The following MECOM variants were observed in gnomAD, a reference collection of about 807,000 sequenced individuals.
The protein encoded by MECOM is MDS1 and EVI1 complex locus.
Under a neutral mutation model 116.3 loss-of-function variants are expected in MECOM, and 13 were observed. The observed-to-expected ratio is 0.11, with a 90% CI of 0.07 to 0.18. The LOEUF (loss-of-function observed/expected upper bound fraction) is 0.18. MECOM is among the 10% of genes least tolerant of loss of function. The pLI is 1.00. For missense variants in MECOM, 1,299 were observed against 1,509.0 expected (o/e 0.86, Z 2.31); for synonymous variants, 528 against 535.2 (o/e 0.99, Z 0.19).
chr3:169,649,399 A>G (rs1315281835), intron 1 of MECOM, among the ~76,000 whole-genome samples: 1 of 90,414 alleles, frequency 1.1e-5, no homozygotes, highest in Non-Finnish European at 2.2e-5. Context: ...GCAAGAGCGA[A>G]ACTCCATCTC....
At chr3:169,237,448 ACC>A (rs1411890170) in intron 2 of MECOM, among the ~76,000 whole-genome samples, 1 of 152,036 alleles carries the variant, frequency 6.6e-6, no homozygotes, top group Non-Finnish European at 1.5e-5. Context: ...CTAACTGACC[ACC>A]CTTAGTCACT....
rs201963034 is a variant in MECOM at position 169,263,989 on chromosome 3, GA to G, written c.375+117197del. Among the ~76,000 whole-genome samples, 1,193 of 151,508 alleles carry G rather than the reference GA, an allele frequency of 7.9e-3. 11 individuals are homozygous for G. Among genetic ancestry groups the G allele is most frequent in the Admixed American group, 0.022 (337 of 15,232 alleles). Reference sequence around the variant, plus strand: ...GTAGTGAAAGTAAATGTAGAAATAAGAAAAACAATGATGCTAATTAGTAGAT... The same window carrying G: ...GTAGTGAAAGTAAATGTAGAAATAAGAAAACAATGATGCTAATTAGTAGAT... On this transcript the variant is annotated intron_variant, in intron 2 of 16. Transcript: ENST00000651503.
At position 169,085,112 on chromosome 3, in the gene MECOM, T is replaced by C. The variant is rs1717232006; in HGVS notation, c.3586-69A>G. ...ACATCACTTTTAGTTCAAAGAATAT[T>C]GTTGGTAAATGGAAAGGGATGGGAC... On this transcript the variant is annotated intron_variant, in intron 16 of 16. Coordinates refer to ENST00000651503, the MANE Select transcript of MECOM (RefSeq NM_004991.4). 4 of 1,586,830 alleles carry C rather than the reference T, an allele frequency of 2.5e-6. 1 individual carries two copies.
chr3:169,264,416 G>A (rs924394688), intron 2 of MECOM, among the ~76,000 whole-genome samples: 3 of 151,990 alleles, frequency 2.0e-5, no homozygotes, highest in African/African-American at 4.8e-5. Context: ...TATTGTATCG[G>A]TATTTTAGTT....
intron 1 of MECOM, among the ~76,000 whole-genome samples, chr3:169,419,444 C>T (rs1739324272): frequency 6.6e-6 from 1 of 152,114 alleles, no homozygotes; most frequent in South Asian, 2.1e-4. Flanking sequence ...CAAGACCATC[C>T]TAAGCAAAAA....
chr3:169,522,699 G>A (rs1270903826), intron 1 of MECOM, among the ~76,000 whole-genome samples: 1 of 152,228 alleles, frequency 6.6e-6, no homozygotes, highest in Non-Finnish European at 1.5e-5. Flanking sequence ...TAAGGTAACA[G>A]TATAAGGAAT....
At chr3:169,187,707 A>G (rs1746965299) in intron 2 of MECOM, among the ~76,000 whole-genome samples, 1 of 152,146 alleles carries the variant, frequency 6.6e-6, no homozygotes, top group South Asian at 2.1e-4. Flanking sequence ...TATTTTTCCA[A>G]GAAAATGAAA....
chr3:169,131,930 G>A (rs1055246675), intron 3 of MECOM: 2 of 1,005,744 alleles, frequency 2.0e-6, no homozygotes, highest in Admixed American at 5.3e-5. Context: ...CAGTAGCCTA[G>A]CTTACCTTGT....
chr3:169,114,115 A>G (rs921860785), intron 8 of MECOM, among the ~76,000 whole-genome samples: 3 of 152,194 alleles, frequency 2.0e-5, no homozygotes, highest in Non-Finnish European at 4.4e-5. Flanking sequence ...CAAAGGACTG[A>G]GACACATCAT....
rs1437372770 is a variant in MECOM at position 169,543,883 on chromosome 3, T to TTTTA, written c.37+119449_37+119452dup. Among the ~76,000 whole-genome samples, 10 of 152,220 alleles carry TTTTA rather than the reference T, an allele frequency of 6.6e-5. No homozygotes were observed. The South Asian group carries it at 1.0e-3, about 16-fold the overall frequency. On this transcript the variant is annotated intron_variant, in intron 1 of 16. Transcript: ENST00000651503. ...TTTCAATAAGCTGCTGTTTATTGAT[T>TTTTA]TTTATTTATTTATTTATTTTGAGAT...
In MECOM at chr3:169,084,462, A is replaced by T. The variant is rs371676630; in HGVS notation, c.*447T>A. On this transcript the variant is annotated 3_prime_UTR_variant, in exon 17 of 17. Transcript: ENST00000651503. Reference sequence around the variant, plus strand: ...TACATAAAACTTTAACGAAGAAAAAAATTAAATCTGTAATTAAAAGCAACT... The same window carrying T: ...TACATAAAACTTTAACGAAGAAAAATATTAAATCTGTAATTAAAAGCAACT... 4 of 233,868 alleles carry T rather than the reference A, an allele frequency of 1.7e-5. No homozygotes were observed. The highest frequency in any genetic ancestry group is 1.8e-4 in the South Asian group (1 of 5,554). The allele number at this position is 233,868 out of a possible 1,614,324, so 14.5% of individuals were successfully genotyped here.
At chr3:169,091,550 G>A (rs1283800101) in intron 14 of MECOM, among the ~76,000 whole-genome samples, 2 of 151,992 alleles carry the variant, frequency 1.3e-5, no homozygotes, top group Admixed American at 6.6e-5. Flanking sequence ...GTATAAGATC[G>A]TCACTGTTTC....
chr3:169,232,546 C>G (rs1390844536), intron 2 of MECOM, among the ~76,000 whole-genome samples: 1 of 151,752 alleles, frequency 6.6e-6, no homozygotes, highest in Non-Finnish European at 1.5e-5. Flanking sequence ...TCAGAAACAC[C>G]AACAAAGAGT....
chr3:169,271,568 T>C (rs1209322074), intron 2 of MECOM, among the ~76,000 whole-genome samples: 2 of 152,262 alleles, frequency 1.3e-5, no homozygotes, highest in East Asian at 3.9e-4. Context: ...CGAGAACACA[T>C]GGACACAGGG....
At chr3:169,456,027 A>G (rs1379853330) in intron 1 of MECOM, among the ~76,000 whole-genome samples, 1 of 152,174 alleles carries the variant, frequency 6.6e-6, no homozygotes, top group Non-Finnish European at 1.5e-5. Context: ...AAATTATTTT[A>G]CTTGTCAACA....
At chr3:169,239,405 T>C (rs1466708973) in intron 2 of MECOM, among the ~76,000 whole-genome samples, 1 of 151,968 alleles carries the variant, frequency 6.6e-6, no homozygotes, top group Non-Finnish European at 1.5e-5. Context: ...ATTTTGTAGA[T>C]ACCACTGATA....
chr3:169,109,568 C>G (rs1489196719), intron 9 of MECOM, among the ~76,000 whole-genome samples: 1 of 152,142 alleles, frequency 6.6e-6, no homozygotes, highest in Non-Finnish European at 1.5e-5. Flanking sequence ...GCATGTGCTA[C>G]CACGCCCGGC....
chr3:169,622,026 G>A (rs1028986392), intron 1 of MECOM, among the ~76,000 whole-genome samples: 1 of 152,208 alleles, frequency 6.6e-6, no homozygotes, highest in African/African-American at 2.4e-5. Flanking sequence ...TGTATTTTAA[G>A]CACTCCAAAC....
At chr3:169,347,291 A>G (rs1725526717) in intron 2 of MECOM, among the ~76,000 whole-genome samples, 1 of 152,056 alleles carries the variant, frequency 6.6e-6, no homozygotes, top group African/African-American at 2.4e-5. Flanking sequence ...TAAATATTTA[A>G]AAGAATTAGC....
Sources: allele counts gnomAD v4.1 joint callset (sites outside exome capture counted in the v4.1 genomes callset), GRCh38; gene constraint gnomAD v4.1.1; transcripts MANE v1.5; gene names NCBI Gene and HGNC (gene_info 2026-07-23, HGNC 2026-07-21).